Variants in TMEM163 observed in about 807,000 individuals in gnomAD.
TMEM163 encodes transmembrane protein 163.
Under a neutral mutation model 29.3 loss-of-function variants are expected in TMEM163, and 17 were observed. The ratio of observed to expected loss-of-function variants is 0.58; its 90% confidence interval spans 0.40 to 0.87. The LOEUF is 0.87. TMEM163 is among the 40% of genes least tolerant of loss of function. The pLI is 0.00. For synonymous variants in TMEM163, 157 were observed against 160.6 expected, an observed-to-expected ratio of 0.98 and a Z score of 0.17; for missense variants, 303 against 381.5, an observed-to-expected ratio of 0.79 and a Z score of 1.71.
At chr2:134,693,174 T>C (rs1331719113) in intron 2 of TMEM163, among the ~76,000 whole-genome samples, 1 of 152,202 alleles carries the variant, frequency 6.6e-6, no homozygotes, top group East Asian at 1.9e-4. Flanking sequence ...CTCTAGGCTC[T>C]GGAACTCTTT....
At chr2:134,565,750 T>C (rs1280556646) in intron 2 of TMEM163, among the ~76,000 whole-genome samples, 1 of 152,230 alleles carries the variant, frequency 6.6e-6, no homozygotes, top group Non-Finnish European at 1.5e-5. Context: ...GGTGGTATAT[T>C]CATCCAGTGA....
intron 2 of TMEM163, among the ~76,000 whole-genome samples, chr2:134,628,179 T>C (rs1447775704): frequency 6.6e-6 from 1 of 152,242 alleles, no homozygotes; most frequent in Non-Finnish European, 1.5e-5. Context: ...TGAATCTATC[T>C]ATAGAAACTC....
intron 5 of TMEM163, among the ~76,000 whole-genome samples, chr2:134,482,319 C>A (rs1473963588): frequency 1.3e-5 from 2 of 152,182 alleles, no homozygotes; most frequent in Non-Finnish European, 2.9e-5. Flanking sequence ...CAGTCATAAA[C>A]CCAGGTCACG....
At chr2:134,543,149 C>A (rs1312449630) in intron 4 of TMEM163, among the ~76,000 whole-genome samples, 1 of 152,214 alleles carries the variant, frequency 6.6e-6, no homozygotes, top group African/African-American at 2.4e-5. Context: ...TACACTCCTT[C>A]CTCTAGTGCA....
chr2:134,516,685 G>GTCATACATATAGT (rs1680068717), intron 4 of TMEM163, among the ~76,000 whole-genome samples: 5 of 142,246 alleles, frequency 3.5e-5, no homozygotes, highest in South Asian at 2.3e-4. Flanking sequence ...ATACATATAT[G>GTCATACATATAGT]CATATATATG....
At chr2:134,674,799 A>G (rs1445563642) in intron 2 of TMEM163, among the ~76,000 whole-genome samples, 1 of 152,186 alleles carries the variant, frequency 6.6e-6, no homozygotes, top group Non-Finnish European at 1.5e-5. Flanking sequence ...AGGCCCTCAC[A>G]ACCTTACATT....
rs771705521 is a variant in TMEM163 at position 134,458,187 on chromosome 2, GGA to G, written c.668-16_668-15del. The G allele has an allele frequency of 7.4e-6, 12 of 1,613,894 alleles. No individual in the cohort carries two copies. The highest frequency in any genetic ancestry group is 3.3e-4 in the Middle Eastern group (2 of 6,082). On this transcript the variant is annotated splice_polypyrimidine_tract_variant and intron_variant, in intron 6 of 7. Coordinates refer to ENST00000281924, the MANE Select transcript of TMEM163 (RefSeq NM_030923.5). ...GGGAGTTAAACCCTGCAAAGGAAGT[GGA>G]GAGAGGCTAGATGGCAGTGCCAAGC...
At chr2:134,519,452 C>T (rs1276981234) in intron 4 of TMEM163, among the ~76,000 whole-genome samples, 1 of 152,168 alleles carries the variant, frequency 6.6e-6, no homozygotes, top group African/African-American at 2.4e-5. Context: ...TGGCTCACGC[C>T]TGTAATCCCA....
At chr2:134,631,519 G>A (rs532545863) in intron 2 of TMEM163, among the ~76,000 whole-genome samples, 1 of 152,246 alleles carries the variant, frequency 6.6e-6, no homozygotes, top group East Asian at 1.9e-4. Context: ...TGCTCTACTG[G>A]AAAGGGTATT....
intron 2 of TMEM163, among the ~76,000 whole-genome samples, chr2:134,585,665 C>A (rs1681802305): frequency 1.3e-5 from 2 of 151,796 alleles, no homozygotes; most frequent in African/African-American, 2.4e-5. Flanking sequence ...TGGCGTGAAC[C>A]CGGGAGGCGG....
intron 2 of TMEM163, among the ~76,000 whole-genome samples, chr2:134,610,433 G>T (rs924773426): frequency 1.3e-5 from 2 of 152,156 alleles, no homozygotes; most frequent in Non-Finnish European, 2.9e-5. Context: ...AGATTGCTGG[G>T]CCCAGCCCCT....
intron 2 of TMEM163, among the ~76,000 whole-genome samples, chr2:134,614,428 T>A (rs1375838391): frequency 1.3e-5 from 2 of 152,122 alleles, no homozygotes; most frequent in Non-Finnish European, 2.9e-5. Context: ...AATTTTCTAA[T>A]ATTTTCTAAT....
chr2:134,707,924 A>C (rs1684853896), intron 2 of TMEM163, among the ~76,000 whole-genome samples: 1 of 145,716 alleles, frequency 6.9e-6, no homozygotes, highest in African/African-American at 2.6e-5. Flanking sequence ...TTTGAGACAT[A>C]GTCTCCCAGG....
intron 4 of TMEM163, among the ~76,000 whole-genome samples, chr2:134,530,383 C>T (rs1032268632): frequency 2.0e-5 from 3 of 152,138 alleles, no homozygotes; most frequent in African/African-American, 7.2e-5. Context: ...TCAATCAATC[C>T]TTCTACCTCA....
intron 2 of TMEM163, among the ~76,000 whole-genome samples, chr2:134,617,911 G>T (rs193127895): frequency 6.6e-6 from 1 of 151,894 alleles, no homozygotes; most frequent in East Asian, 2.0e-4. Flanking sequence ...AGGAGTTCAA[G>T]ATCAGCCTGG....
intron 2 of TMEM163, among the ~76,000 whole-genome samples, chr2:134,553,858 T>A (rs1056955505): frequency 1.3e-5 from 2 of 152,178 alleles, no homozygotes; most frequent in African/African-American, 4.8e-5. Flanking sequence ...CATGCTGACG[T>A]GTGCAAAAAA....
intron 4 of TMEM163, among the ~76,000 whole-genome samples, chr2:134,520,571 T>G (rs6740250): frequency 2.8e-4 from 43 of 152,366 alleles, no homozygotes; most frequent in African/African-American, 1.0e-3. Context: ...TTTGTGTGTG[T>G]GAGCTTTTTA....
intron 2 of TMEM163, among the ~76,000 whole-genome samples, chr2:134,630,769 C>T (rs567824628): frequency 2.0e-5 from 3 of 152,300 alleles, no homozygotes; most frequent in African/African-American, 7.2e-5. Flanking sequence ...CACACCACCT[C>T]CAGTTCCTCT....
Position 134,718,751 on chromosome 2 carries a change from T to G in TMEM163, c.185A>C (p.Asp62Ala). ...GCGCTCACCTCGGTCCTCCAGCCCGTCGCTGAACTGGCCGCTCTCGCTGAT... is the reference window on the plus strand; with the variant it reads ...GCGCTCACCTCGGTCCTCCAGCCCGGCGCTGAACTGGCCGCTCTCGCTGAT... ...VRISESGQFS[D>A]GLEDRGLLES... The change falls in exon 1 of 8, where the codon GAC becomes GCC. Residue 62 changes from aspartate to alanine, a missense_variant. This residue lies in a region of TMEM163 where 100 missense variants were observed against 87.2 expected (regional missense o/e 1.15). Coordinates refer to ENST00000281924, the MANE Select transcript of TMEM163 (RefSeq NM_030923.5). The G allele has an allele frequency of 8.7e-7, 1 of 1,153,650 alleles. No individual in the cohort carries two copies. The allele number at this position is 1,153,650 out of a possible 1,614,324, so 71.5% of individuals were successfully genotyped here.
Sources: allele counts gnomAD v4.1 joint callset (sites outside exome capture counted in the v4.1 genomes callset), GRCh38; gene constraint gnomAD v4.1.1; regional missense constraint gnomAD v4.1.1; transcripts MANE v1.5; gene names NCBI Gene and HGNC (gene_info 2026-07-23, HGNC 2026-07-21).